PRMT2: variants seen among roughly 807,000 people sequenced by gnomAD.
PRMT2 encodes the protein protein arginine N-methyltransferase 2.
PRMT2 carries 26 observed loss-of-function variants against 57.6 expected under a neutral mutation model. That is an observed-to-expected ratio of 0.45 (90% CI 0.33 to 0.63). The LOEUF (loss-of-function observed/expected upper bound fraction) is 0.63, where lower values mean the gene tolerates loss of function less well. Ranked by LOEUF, PRMT2 falls within the 20% of genes least tolerant of loss-of-function variation. The pLI is 0.02. For missense variants in PRMT2, 472 were observed against 564.4 expected (o/e 0.84, Z 1.66); for synonymous variants, 219 against 220.0 (o/e 1.00, Z 0.04).
intron 8 of PRMT2, chr21:46,659,788 C>T (rs2061592913): frequency 3.0e-6 from 3 of 985,200 alleles, no homozygotes; most frequent in South Asian, 9.4e-5. Flanking sequence ...TCCAGAGGAA[C>T]GTGATTGAAT....
chr21:46,641,565 GCCT>G (rs2061275050), intron 3 of PRMT2, among the ~76,000 whole-genome samples: 1 of 152,022 alleles, frequency 6.6e-6, no homozygotes, highest in Non-Finnish European at 1.5e-5. Context: ...AGTGACACAC[GCCT>G]GTAGTCCCAG....
intron 5 of PRMT2, among the ~76,000 whole-genome samples, chr21:46,647,613 C>T (rs1364934103): frequency 6.6e-6 from 1 of 152,128 alleles, no homozygotes; most frequent in African/African-American, 2.4e-5. Context: ...GGGACCTTCA[C>T]CTTAGCTTCC....
chr21:46,647,764 C>T (rs2061386883), intron 5 of PRMT2, among the ~76,000 whole-genome samples: 1 of 152,188 alleles, frequency 6.6e-6, no homozygotes, highest in African/African-American at 2.4e-5. Flanking sequence ...AATGTATGCC[C>T]ACAAATCTCC....
intron 5 of PRMT2, 40 bp downstream of exon 5, chr21:46,644,528 TG>T (rs1366196185): frequency 1.9e-6 from 3 of 1,545,146 alleles, no homozygotes; most frequent in Non-Finnish European, 2.6e-6. Context: ...GGCCAGGCGG[TG>T]GGTTCTCTCT....
rs994361824 is a variant in PRMT2, at chr21:46,654,961, G to A, written c.655-3784G>A. On this transcript the variant is annotated intron_variant, in intron 7 of 11. Transcript: ENST00000355680. Reference sequence around the variant, plus strand: ...ATACATAGAGTGAGAAGCAAAGAAGGTCCATGAAATGGACCAATTCTTTTG... The same window carrying A: ...ATACATAGAGTGAGAAGCAAAGAAGATCCATGAAATGGACCAATTCTTTTG... 8 of 977,650 alleles carry A rather than the reference G, an allele frequency of 8.2e-6. No homozygotes were observed. The African/African-American group carries it at 1.4e-4, about 17-fold the overall frequency. The allele number at this position is 977,650 out of a possible 1,614,324, so 60.6% of individuals were successfully genotyped here.
chr21:46,661,802 C>T lies in PRMT2; in HGVS notation c.963C>T (p.Thr321=), dbSNP rs760438712. ...GCCTTGTCATCTGCTTGACCCAGACCCTGAGGGGCGAGCTGCGCTTCGACA... is the reference window on the plus strand; with the variant it reads ...GCCTTGTCATCTGCTTGACCCAGACTCTGAGGGGCGAGCTGCGCTTCGACA... The part of the protein sequence containing the change: ...MRTVQISDLE[T]LRGELRFDIR... The change falls in exon 10 of 12, where the codon ACC becomes ACT. Residue 321 remains threonine, a splice_region_variant and synonymous_variant. Transcript: ENST00000355680. 8.4e-6 allele frequency: 12 copies of T among 1,431,380 alleles called. No individual in the cohort carries two copies. The South Asian group carries it at 1.5e-4, about 18-fold the overall frequency. The allele number at this position is 1,431,380 out of a possible 1,614,324, so 88.7% of individuals were successfully genotyped here.
chr21:46,655,345 GAAT>G (rs781698424), intron 7 of PRMT2, among the ~76,000 whole-genome samples: 2 of 152,006 alleles, frequency 1.3e-5, no homozygotes, highest in Non-Finnish European at 2.9e-5. Context: ...GATATAAAAG[GAAT>G]AATAATACAC....
chr21:46,642,383 T>A (rs2061291475), intron 3 of PRMT2, among the ~76,000 whole-genome samples: 1 of 152,242 alleles, frequency 6.6e-6, no homozygotes, highest in African/African-American at 2.4e-5. Flanking sequence ...AGAAAAATGT[T>A]CAGAGTTTAT....
At chr21:46,658,976 C>T (rs1032252732) in intron 8 of PRMT2, 56 bp downstream of exon 8, 23 of 1,571,704 alleles carry the variant, frequency 1.5e-5, no homozygotes, top group East Asian at 4.5e-5. Flanking sequence ...GGTCCACAGT[C>T]TGCAGGTGGG....
At chr21:46,644,604 G>T in intron 5 of PRMT2, 116 bp downstream of exon 5, 61 of 1,038,242 alleles carry the variant, frequency 5.9e-5, no homozygotes. Flanking sequence ...CTCCTCTGTT[G>T]TAGCCACTCA....
chr21:46,649,891 T>C lies in PRMT2; in HGVS notation c.654+152T>C. 1 of 1,477,114 alleles carries C rather than the reference T, an allele frequency of 6.8e-7. No homozygotes were observed. Among genetic ancestry groups the C allele is most frequent in the Non-Finnish European group, 9.0e-7 (1 of 1,106,026 alleles). The allele number at this position is 1,477,114 out of a possible 1,614,324, so 91.5% of individuals were successfully genotyped here. A position where few individuals can be genotyped will look rare whatever the true frequency, so the allele number is the denominator to read the frequency against. ...GTCTAATTAATTTCTTGTGTGGACA[T>C]TGGCTCAGTGTCTTGAATTTTCACC... On this transcript the variant is annotated intron_variant, in intron 7 of 11. Transcript: ENST00000355680. The surrounding 1 kb of genome is among the most constrained non-coding windows in gnomAD (Gnocchi z 4.8).
chr21:46,648,461 C>T lies in PRMT2; in HGVS notation c.331C>T (p.Leu111Phe). 1 of 1,614,026 alleles carries T rather than the reference C, an allele frequency of 6.2e-7. No individual in the cohort carries two copies. Among genetic ancestry groups the T allele is most frequent in the Non-Finnish European group, 8.5e-7 (1 of 1,179,878 alleles). Residue 111 changes from leucine to phenylalanine, a missense_variant, in exon 6 of 12, where the codon CTC becomes TTC. Around this residue, in one of 2 missense-constraint regions of PRMT2, gnomAD observed 243 missense variants for 347.2 expected, o/e 0.70. Coordinates refer to ENST00000355680, the MANE Select transcript of PRMT2 (RefSeq NM_206962.4). This position sits in a 1 kb window ranked among gnomAD's most constrained non-coding sequence, Gnocchi z 4.8. The stretch of plus-strand genomic sequence containing the variant: ...TCTGAATGTGCATTTCTTCCAGAAA[C>T]TCCACTTGGAGATGTTGGCAGACCA... The part of the protein sequence containing the change: ...EYFGSYGTLK[L>F]HLEMLADQPR...
chr21:46,664,427 C>T lies in PRMT2; in HGVS notation c.*100C>T, dbSNP rs368297409. 1.7e-4 allele frequency: 243 copies of T among 1,450,774 alleles called. No individual in the cohort carries two copies. Among genetic ancestry groups the T allele is most frequent in the Non-Finnish European group, 2.2e-4 (227 of 1,036,576 alleles). The allele number at this position is 1,450,774 out of a possible 1,614,324, so 89.9% of individuals were successfully genotyped here. ...GGCTTCTGCACACTCCTGCGAAAGT[C>T]GGTGAACATTCACTCCACATTGACC... On this transcript the variant is annotated 3_prime_UTR_variant, in exon 12 of 12. Transcript: ENST00000355680.
At position 46,648,611 on chromosome 21, in the gene PRMT2, C is replaced by T. The variant is rs2061400956; in HGVS notation, c.481C>T (p.Pro161Ser). 1.2e-6 allele frequency: 2 copies of T among 1,612,898 alleles called. No homozygotes were observed. Among genetic ancestry groups the T allele is most frequent in the East Asian group, 4.5e-5 (2 of 44,846 alleles). ...TCTCTTCTGTGCACACTATGCGCGG[C>T]CTAGAGCGGTGAGTGGGGTCTCGAG... ...ISLFCAHYAR[P>S]RAVYAVEASE... The change falls in exon 6 of 12, where the codon CCT becomes TCT. Residue 161 changes from proline (P) to serine (S), a missense_variant. Pro to Ser is a moderately conservative substitution (Grantham distance 74, BLOSUM62 -1). Transcript: ENST00000355680. This position sits in a 1 kb window ranked among gnomAD's most constrained non-coding sequence, Gnocchi z 4.8.
At chr21:46,636,857 T>C in intron 2 of PRMT2, 39 bp from the exon 3 acceptor site, 1 of 1,261,416 alleles carries the variant, frequency 7.9e-7, no homozygotes, top group Non-Finnish European at 1.1e-6. Flanking sequence ...TTAAGCAATG[T>C]AACAAGTACT....
intron 7 of PRMT2, chr21:46,654,116 A>G (rs2061505313): frequency 1.0e-6 from 1 of 985,548 alleles, no homozygotes; most frequent in Non-Finnish European, 1.2e-6. Flanking sequence ...CCCAGAGACC[A>G]GGCACCAAAT....
chr21:46,660,872 T>C lies in PRMT2; in HGVS notation c.870T>C (p.Tyr290=). 1 of 1,613,824 alleles carries C rather than the reference T, an allele frequency of 6.2e-7. No individual in the cohort carries two copies. Among genetic ancestry groups the C allele is most frequent in the Non-Finnish European group, 8.5e-7 (1 of 1,179,744 alleles). ...AVKEFFSKPK[Y]NHILKPEDCL... ...AGGAGTTTTTTTCAAAGCCCAAGTA[T>C]AACCACATTTTGAAACCAGAAGACT... The change falls in exon 9 of 12, where the codon TAT becomes TAC. Residue 290 remains tyrosine, a synonymous_variant. Coordinates refer to ENST00000355680, the MANE Select transcript of PRMT2 (RefSeq NM_206962.4).
intron 7 of PRMT2, chr21:46,651,731 C>G: frequency 1.3e-6 from 2 of 1,530,972 alleles, no homozygotes; most frequent in Non-Finnish European, 1.8e-6. Flanking sequence ...CAGGGTTGGT[C>G]GGATTTGAGG....
At position 46,660,965 on chromosome 21, in the gene PRMT2, G is replaced by A. The variant is rs369719297; in HGVS notation, c.960+3G>A. 4.3e-4 allele frequency: 698 copies of A among 1,610,654 alleles called. 6 individuals are homozygous for A. The South Asian group carries it at 5.0e-3, about 11-fold the overall frequency. ...CCGTGCAAATTTCTGATCTAGAGGT[G>A]AGAAAAAGATGAATTGCTCCTTACA... is the stretch of plus-strand genomic sequence containing the variant. On this transcript the variant is annotated splice_donor_region_variant and intron_variant, in intron 9 of 11. Transcript: ENST00000355680.
Sources: allele counts gnomAD v4.1 joint callset (sites outside exome capture counted in the v4.1 genomes callset), GRCh38; gene constraint gnomAD v4.1.1; regional missense constraint gnomAD v4.1.1; non-coding constraint Gnocchi (gnomAD v3.1); transcripts MANE v1.5; gene names NCBI Gene and HGNC (gene_info 2026-07-23, HGNC 2026-07-21).